The following CHRM3 variants were observed in gnomAD, a reference collection of about 807,000 sequenced individuals.
CHRM3 encodes muscarinic acetylcholine receptor M3.
A neutral mutation model predicts 41.8 loss-of-function variants in CHRM3; 11 were observed. That is an observed-to-expected ratio of 0.26 (90% CI 0.17 to 0.44). The LOEUF is 0.44. CHRM3 is among the 20% of genes least tolerant of loss of function. CHRM3 has a pLI of 1.00. For synonymous variants in CHRM3, 297 were observed against 301.4 expected, an observed-to-expected ratio of 0.99 and a Z score of 0.15; for missense variants, 571 against 745.4, an observed-to-expected ratio of 0.77 and a Z score of 2.72.
intron 5 of CHRM3, among the ~76,000 whole-genome samples, chr1:239,749,064 T>C (rs968221054): frequency 1.1e-4 from 16 of 152,318 alleles, no homozygotes; most frequent in Admixed American, 3.3e-4. Context: ...TTCTCACTAG[T>C]TCAGAAGGCC....
chr1:239,390,946 A>T (rs537070229), intron 1 of CHRM3, among the ~76,000 whole-genome samples: 1 of 152,326 alleles, frequency 6.6e-6, no homozygotes, highest in South Asian at 2.1e-4. Context: ...AGATCAGCCT[A>T]GGCAACATAG....
chr1:239,424,078 A>G (rs547732890), intron 1 of CHRM3, among the ~76,000 whole-genome samples: 1 of 152,004 alleles, frequency 6.6e-6, no homozygotes, highest in South Asian at 2.1e-4. Flanking sequence ...AAAAGAAAAA[A>G]AAAAGTCAAG....
At chr1:239,757,376 C>A (rs949647981) in intron 5 of CHRM3, among the ~76,000 whole-genome samples, 3 of 152,060 alleles carry the variant, frequency 2.0e-5, no homozygotes, top group Non-Finnish European at 2.9e-5. Flanking sequence ...CGCCTGTAAT[C>A]CCAGCACTTT....
chr1:239,424,803 A>G (rs1456552322), intron 1 of CHRM3, among the ~76,000 whole-genome samples: 1 of 152,330 alleles, frequency 6.6e-6, no homozygotes, highest in East Asian at 1.9e-4. Flanking sequence ...AGAAGCAAGT[A>G]GGGGTCAGAT....
At chr1:239,471,897 C>T (rs1255943233) in intron 1 of CHRM3, among the ~76,000 whole-genome samples, 3 of 152,248 alleles carry the variant, frequency 2.0e-5, no homozygotes, top group African/African-American at 4.8e-5. Flanking sequence ...TGATTGACTG[C>T]GGGGAGGCCT....
intron 6 of CHRM3, among the ~76,000 whole-genome samples, chr1:239,902,754 T>C (rs2103022586): frequency 6.6e-6 from 1 of 152,332 alleles, no homozygotes; most frequent in South Asian, 2.1e-4. Context: ...AGGACTGCCA[T>C]GGTTATTGAC....
At chr1:239,713,562 C>A (rs1286876885) in intron 5 of CHRM3, among the ~76,000 whole-genome samples, 1 of 152,170 alleles carries the variant, frequency 6.6e-6, no homozygotes, top group Non-Finnish European at 1.5e-5. Flanking sequence ...GCTTCTTCTA[C>A]AATTTGCACA....
At chr1:239,815,531 T>G (rs1035172469) in intron 5 of CHRM3, among the ~76,000 whole-genome samples, 6 of 152,228 alleles carry the variant, frequency 3.9e-5, no homozygotes, top group Non-Finnish European at 2.9e-5. Context: ...TTACAGTAAT[T>G]TAAACCAAGC....
chr1:239,426,468 CAAAA>C (rs11333335), intron 1 of CHRM3, among the ~76,000 whole-genome samples: 7 of 103,352 alleles, frequency 6.8e-5, no homozygotes, highest in Non-Finnish European at 1.2e-4. Context: ...ACTCACCCCG[CAAAA>C]AAAAAAAAAA....
chr1:239,431,768 G>C (rs1416787594), intron 1 of CHRM3, among the ~76,000 whole-genome samples: 1 of 152,152 alleles, frequency 6.6e-6, no homozygotes, highest in Non-Finnish European at 1.5e-5. Flanking sequence ...TTAATCCTTA[G>C]AAAATTTGAA....
chr1:239,780,530 A>T (rs1295881513), intron 5 of CHRM3, among the ~76,000 whole-genome samples: 1 of 152,004 alleles, frequency 6.6e-6, no homozygotes, highest in Non-Finnish European at 1.5e-5. Flanking sequence ...ACAGTTCTTT[A>T]TGTGTTTTGC....
At chr1:239,557,553 G>T (rs890614815) in intron 3 of CHRM3, among the ~76,000 whole-genome samples, 1 of 152,090 alleles carries the variant, frequency 6.6e-6, no homozygotes, top group African/African-American at 2.4e-5. Context: ...GCGTGGCATG[G>T]TGCTTTGCTG....
chr1:239,722,225 G>A (rs1663039282), intron 5 of CHRM3, among the ~76,000 whole-genome samples: 1 of 151,860 alleles, frequency 6.6e-6, no homozygotes, highest in South Asian at 2.1e-4. Context: ...GGGATTGACT[G>A]AAACCAATTT....
At chr1:239,506,715 C>T (rs1668595761) in intron 2 of CHRM3, among the ~76,000 whole-genome samples, 1 of 152,136 alleles carries the variant, frequency 6.6e-6, no homozygotes, top group Admixed American at 6.5e-5. Flanking sequence ...GGTAGAACTA[C>T]AGACAACTTG....
intron 6 of CHRM3, among the ~76,000 whole-genome samples, chr1:239,884,062 T>G (rs147589521): frequency 3.3e-5 from 5 of 152,338 alleles, no homozygotes; most frequent in Admixed American, 2.0e-4. Context: ...ATAGCCAAAC[T>G]TGCATGTTTT....
intron 3 of CHRM3, among the ~76,000 whole-genome samples, chr1:239,594,613 T>C (rs1664575693): frequency 6.6e-6 from 1 of 152,316 alleles, no homozygotes; most frequent in East Asian, 1.9e-4. Context: ...CAATTTCAGA[T>C]ACATTTTGGG....
intron 2 of CHRM3, among the ~76,000 whole-genome samples, chr1:239,542,171 G>C (rs1658846843): frequency 6.6e-6 from 1 of 152,132 alleles, no homozygotes; most frequent in South Asian, 2.1e-4. Flanking sequence ...GGGAAAGACA[G>C]ATACGCAAAC....
intron 4 of CHRM3, among the ~76,000 whole-genome samples, 159 bp downstream of exon 4, chr1:239,632,445 T>G (rs1332649262): frequency 1.3e-5 from 2 of 152,332 alleles, no homozygotes; most frequent in African/African-American, 4.8e-5. Context: ...TGTGTCTTAA[T>G]AAAGCTAAGT....
At chr1:239,402,912 T>C (rs957779462) in intron 1 of CHRM3, among the ~76,000 whole-genome samples, 2 of 152,222 alleles carry the variant, frequency 1.3e-5, no homozygotes, top group Non-Finnish European at 2.9e-5. Context: ...GTACTGAGCA[T>C]GAGGCAAATT....
Sources: gnomAD v4.1 joint callset for allele counts (sites outside exome capture counted in the v4.1 genomes callset) on GRCh38, gnomAD v4.1.1 for gene constraint, MANE v1.5 for transcripts, NCBI Gene and HGNC (gene_info 2026-07-23, HGNC 2026-07-21) for gene names.